ADAMTS5: variants seen among roughly 807,000 people sequenced by gnomAD.
The protein encoded by ADAMTS5 is A disintegrin and metalloproteinase with thrombospondin motifs 5.
In ADAMTS5, 54 loss-of-function variants were observed where a neutral mutation model predicts 81.4. The observed-to-expected ratio is 0.66, with a 90% CI of 0.53 to 0.83. The LOEUF (loss-of-function observed/expected upper bound fraction) is 0.83, where lower values mean the gene tolerates loss of function less well. ADAMTS5 is among the 40% of genes least tolerant of loss of function. ADAMTS5 has a pLI of 0.00. For synonymous variants in ADAMTS5, 532 were observed against 508.8 expected (o/e 1.05, Z -0.61); for missense variants, 1,194 against 1,229.9 (o/e 0.97, Z 0.44).
intron 3 of ADAMTS5, among the ~76,000 whole-genome samples, chr21:26,942,759 G>A (rs1987137828): frequency 6.6e-6 from 1 of 152,112 alleles, no homozygotes; most frequent in Non-Finnish European, 1.5e-5. Flanking sequence ...AACTATATTT[G>A]AAGGATAAAG....
At chr21:26,954,942 T>TGGGGTAAGCAAGTG in intron 1 of ADAMTS5, 71 bp from the exon 2 acceptor site, 1 of 1,571,586 alleles carries the variant, frequency 6.4e-7, no homozygotes, top group Non-Finnish European at 8.7e-7. Flanking sequence ...TAGAGCCACT[T>TGGGGTAAGCAAGTG]GCTTACCCCA....
At chr21:26,952,662 T>G (rs969970563) in intron 2 of ADAMTS5, among the ~76,000 whole-genome samples, 1 of 152,234 alleles carries the variant, frequency 6.6e-6, no homozygotes, top group African/African-American at 2.4e-5. Flanking sequence ...GAATCTTTCC[T>G]TTTGAAGATC....
rs1331413034 is a variant in ADAMTS5, at chr21:26,923,052, C to G, written c.*1001G>C. On this transcript the variant is annotated 3_prime_UTR_variant, in exon 8 of 8. Transcript: ENST00000284987. ...TAAAGGCTTGCTGGTAGGAGGTATA[C>G]CAGTGTTGAATGTGTTGGACATGAT... is the stretch of plus-strand genomic sequence containing the variant. 1 of 152,074 alleles carries G rather than the reference C, an allele frequency of 6.6e-6. No homozygotes were observed. The highest frequency in any genetic ancestry group is 1.5e-5 in the Non-Finnish European group (1 of 68,002). 9.4% of individuals were successfully genotyped at this position (152,074 alleles called of 1,614,324 possible). A position where few individuals can be genotyped will look rare whatever the true frequency, so the allele number is the denominator to read the frequency against.
At chr21:26,939,091 C>T (rs1987068356) in intron 3 of ADAMTS5, among the ~76,000 whole-genome samples, 3 of 152,094 alleles carry the variant, frequency 2.0e-5, no homozygotes, top group Admixed American at 6.6e-5. Flanking sequence ...ACTTGAATGT[C>T]TAATGTTAAA....
rs1027484111 is a variant in ADAMTS5 at position 26,966,944 on chromosome 21, G to T, written c.-553C>A. ...GGGAAGAAAGAGAGGGGAAAAAGCCGTAAAAATTAAAACAAAAATGCAGGG... is the reference window on the plus strand; with the variant it reads ...GGGAAGAAAGAGAGGGGAAAAAGCCTTAAAAATTAAAACAAAAATGCAGGG... On this transcript the variant is annotated 5_prime_UTR_variant, in exon 1 of 8. Coordinates refer to ENST00000284987, the MANE Select transcript of ADAMTS5 (RefSeq NM_007038.5). Among the ~76,000 whole-genome samples, 1 of 152,120 alleles carries T rather than the reference G, an allele frequency of 6.6e-6. No homozygotes were observed. The highest frequency in any genetic ancestry group is 2.1e-4 in the South Asian group (1 of 4,828).
In ADAMTS5 at chr21:26,924,098, G is replaced by A. The variant is rs748208291; in HGVS notation, c.2748C>T (p.Ser916=). ...NRKLAKGCPL[S]QRPSAFKQCL... is the part of the protein sequence containing the mutation. Reference sequence around the variant, plus strand: ...ATTGCTTAAACGCAGAAGGCCTTTGGGAGAGAGGACATCCTTTTGCTAACT... The same window carrying A: ...ATTGCTTAAACGCAGAAGGCCTTTGAGAGAGAGGACATCCTTTTGCTAACT... Residue 916 remains serine, a synonymous_variant, in exon 8 of 8, where the codon TCC becomes TCT. Transcript: ENST00000284987. 16 of 1,610,620 alleles carry A rather than the reference G, an allele frequency of 9.9e-6. No individual in the cohort carries two copies. The East Asian group carries it at 3.4e-4, about 34-fold the overall frequency.
chr21:26,935,456 G>C (rs2123177325), intron 3 of ADAMTS5, among the ~76,000 whole-genome samples: 1 of 152,172 alleles, frequency 6.6e-6, no homozygotes, highest in East Asian at 1.9e-4. Flanking sequence ...TTAATAAAAA[G>C]TTTTCAAGAT....
In ADAMTS5 at chr21:26,966,569, G is replaced by A; in HGVS notation, c.-178C>T. 1 of 379,350 alleles carries A rather than the reference G, an allele frequency of 2.6e-6. No homozygotes were observed. Among genetic ancestry groups the A allele is most frequent in the Non-Finnish European group, 4.2e-6 (1 of 237,410 alleles). 23.5% of individuals were successfully genotyped at this position (379,350 alleles called of 1,614,324 possible). A position where few individuals can be genotyped will look rare whatever the true frequency, so the allele number is the denominator to read the frequency against. ...CCAGCCTGTCCGGGCTGCGGTGCCA[G>A]CGTGCGAACTTTTCTTTGTTGCTTG... On this transcript the variant is annotated 5_prime_UTR_variant, in exon 1 of 8. Coordinates refer to ENST00000284987, the MANE Select transcript of ADAMTS5 (RefSeq NM_007038.5).
At chr21:26,935,870 AATT>A (rs964422934) in intron 3 of ADAMTS5, among the ~76,000 whole-genome samples, 51 of 152,344 alleles carry the variant, frequency 3.3e-4, no homozygotes, top group African/African-American at 1.1e-3. Context: ...GGATTTACAC[AATT>A]ATTATAATAG....
Position 26,920,926 on chromosome 21 carries a change from C to T in ADAMTS5, c.*3127G>A, listed in dbSNP as rs1333669462. 1 of 152,470 alleles carries T rather than the reference C, an allele frequency of 6.6e-6. No individual in the cohort carries two copies. Among genetic ancestry groups the T allele is most frequent in the African/African-American group, 2.4e-5 (1 of 41,426 alleles). The allele number at this position is 152,470 out of a possible 1,614,324, so 9.4% of individuals were successfully genotyped here. On this transcript the variant is annotated 3_prime_UTR_variant, in exon 8 of 8. Coordinates refer to ENST00000284987, the MANE Select transcript of ADAMTS5 (RefSeq NM_007038.5). ...TATATACATATACACCTGCTTCACA[C>T]AGAAAGCTTTCTGTAAAAAAATACA...
Position 26,965,582 on chromosome 21 carries a change from C to G in ADAMTS5, c.810G>C (p.Glu270Asp). The G allele has an allele frequency of 6.2e-7, 1 of 1,607,358 alleles. No homozygotes were observed. The highest frequency in any genetic ancestry group is 8.5e-7 in the Non-Finnish European group (1 of 1,176,578). Residue 270 changes from glutamate (E) to aspartate (D), a missense_variant, in exon 1 of 8, where the codon GAG becomes GAC. By Grantham distance (45) the Glu-to-Asp change is conservative. Transcript: ENST00000284987. Reference sequence around the variant, plus strand: ...TGGACGCGTCAGCCACCAGAAGCAGCTCCACCTGGCGGGCCCGGGAGATGG... The same window carrying G: ...TGGACGCGTCAGCCACCAGAAGCAGGTCCACCTGGCGGGCCCGGGAGATGG... ...RRSISRARQV[E>D]LLLVADASMA...
chr21:26,949,466 A>ACC (rs1259429912), intron 2 of ADAMTS5, among the ~76,000 whole-genome samples: 2 of 152,110 alleles, frequency 1.3e-5, no homozygotes, highest in Admixed American at 6.6e-5. Context: ...AGCATGAGCC[A>ACC]CCACACCAGC....
In ADAMTS5 at chr21:26,967,067, C is replaced by T. The variant is rs992765201; in HGVS notation, c.-676G>A. On this transcript the variant is annotated 5_prime_UTR_variant, in exon 1 of 8. Transcript: ENST00000284987. ...CATCCCCAGTCGGCAGCTGCGAGCG[C>T]CGAGAGCAGCGCGAGCGCTGTGAAG... 7.9e-5 allele frequency among the ~76,000 whole-genome samples: 12 copies of T among 152,252 alleles called. No homozygotes were observed. The highest frequency in any genetic ancestry group is 1.6e-4 in the Non-Finnish European group (11 of 68,050).
chr21:26,943,468 C>T lies in ADAMTS5; in HGVS notation c.1317G>A (p.Met439Ile), dbSNP rs1568845712. The T allele has an allele frequency of 1.9e-6, 3 of 1,613,730 alleles. No homozygotes were observed. The highest frequency in any genetic ancestry group is 1.3e-5 in the African/African-American group (1 of 75,010). Residue 439 changes from methionine (M) to isoleucine (I), a missense_variant, in exon 3 of 8, where the codon ATG (methionine) becomes ATA (isoleucine). Met to Ile is a conservative substitution (Grantham distance 10). Transcript: ENST00000284987. ...TFGSTEDKRL[M>I]SSILTSIDAS... is the part of the protein sequence containing the mutation. ...CATCAATGCTGGTAAGGATGGAAGACATTAAGCGCTTATCTTCTGTGGAAC... is the reference window on the plus strand; with the variant it reads ...CATCAATGCTGGTAAGGATGGAAGATATTAAGCGCTTATCTTCTGTGGAAC...
At position 26,924,202 on chromosome 21, in the gene ADAMTS5, C is replaced by T; in HGVS notation, c.2644G>A (p.Gly882Ser). ...GTCCTAGAGCAGGCGAGCCATGGGC[C>T]CGTGACCCACTGCGGCTGCGAAGTG... Reference protein sequence around the residue: ...SHTSQPQWVTGPWLACSRTCD... With the variant: ...SHTSQPQWVTSPWLACSRTCD... The change falls in exon 8 of 8, where the codon GGC becomes AGC. Residue 882 changes from glycine to serine, a missense_variant. Gly to Ser is a moderately conservative substitution (Grantham distance 56). Around this residue, in one of 2 missense-constraint regions of ADAMTS5, gnomAD observed 696 missense variants for 817.6 expected, o/e 0.85. Transcript: ENST00000284987. 3 of 1,614,186 alleles carry T rather than the reference C, an allele frequency of 1.9e-6. No homozygotes were observed. The highest frequency in any genetic ancestry group is 2.5e-6 in the Non-Finnish European group (3 of 1,180,018).
intron 1 of ADAMTS5, 126 bp from the exon 2 acceptor site, chr21:26,954,997 GA>G: frequency 8.2e-7 from 1 of 1,223,952 alleles, no homozygotes; most frequent in Non-Finnish European, 1.1e-6. Flanking sequence ...TTCCTCTCTG[GA>G]AACGTTCCAA....
chr21:26,932,073 C>T lies in ADAMTS5; in HGVS notation c.1980G>A (p.Leu660=), dbSNP rs1447089670. The change falls in exon 6 of 8, where the codon CTG becomes CTA. Residue 660 remains leucine (L), a synonymous_variant. Transcript: ENST00000284987. ...AGGTCAGCTTGCACACATCCGCTGG[C>T]AGGACACCTGCATATTTGGGAACCC... The part of the protein sequence containing the change: ...VEWVPKYAGV[L]PADVCKLTCR... 1.2e-6 allele frequency: 2 copies of T among 1,614,092 alleles called. No individual in the cohort carries two copies. The highest frequency in any genetic ancestry group is 2.2e-5 in the East Asian group (1 of 44,890).
chr21:26,961,906 T>G (rs1362355550), intron 1 of ADAMTS5, among the ~76,000 whole-genome samples: 1 of 152,138 alleles, frequency 6.6e-6, no homozygotes, highest in East Asian at 1.9e-4. Flanking sequence ...GTTGTCAGAA[T>G]CAAGCCAGGA....
At chr21:26,930,574 C>T (rs1986888576) in intron 6 of ADAMTS5, among the ~76,000 whole-genome samples, 1 of 152,110 alleles carries the variant, frequency 6.6e-6, no homozygotes, top group Non-Finnish European at 1.5e-5. Flanking sequence ...GAAATCGACA[C>T]AACCAAATTA....
Sources: allele counts gnomAD v4.1 joint callset (sites outside exome capture counted in the v4.1 genomes callset), GRCh38; gene constraint gnomAD v4.1.1; regional missense constraint gnomAD v4.1.1; transcripts MANE v1.5; gene names NCBI Gene and HGNC (gene_info 2026-07-23, HGNC 2026-07-21).